DMD: variants seen among roughly 807,000 people sequenced by gnomAD.
DMD encodes the protein mutant dystrophin.
Under a neutral mutation model 330.1 loss-of-function variants are expected in DMD, and 63 were observed. The ratio of observed to expected loss-of-function variants is 0.19; its 90% CI spans 0.16 to 0.24. DMD has a LOEUF of 0.24. Among genes scored for constraint, DMD ranks in the 10% least tolerant of loss-of-function variants. The probability of loss-of-function intolerance (pLI) is 1.00; values close to 1 mark genes in which losing one functional copy is unlikely to be tolerated. For synonymous variants in DMD, 1,223 were observed against 959.8 expected (o/e 1.27, Z -5.07); for missense variants, 3,344 against 2,684.1 (o/e 1.25, Z -5.43).
chrX:31,756,446 T>C (rs1027057245), intron 51 of DMD, among the ~76,000 whole-genome samples: 1 of 97,221 alleles, frequency 1.0e-5, no homozygotes, highest in African/African-American at 3.7e-5. Context: ...ATACCATATA[T>C]GTTATTCGTG....
chrX:32,454,931 G>A, intron 25 of DMD, 99 bp from the exon 26 acceptor site: 23 of 1,003,635 alleles, frequency 2.3e-5, no homozygotes, highest in Non-Finnish European at 3.1e-5. Flanking sequence ...AGCTTAGATA[G>A]TAATGATAAA....
At chrX:31,901,362 T>G (rs16989935) in intron 47 of DMD, among the ~76,000 whole-genome samples, 29,804 of 111,028 alleles carry the variant, frequency 0.27, 3,493 homozygotes, top group African/African-American at 0.45. Flanking sequence ...CCACCTATAA[T>G]AATCTTTCCT....
At chrX:33,040,481 T>C (rs925314922) in intron 1 of DMD, among the ~76,000 whole-genome samples, 5 of 110,617 alleles carry the variant, frequency 4.5e-5, no homozygotes, top group Non-Finnish European at 9.4e-5. Flanking sequence ...GAGACAGGCA[T>C]ATAAGGCTTG....
At chrX:31,425,708 A>ACACACACACACACACACACACACG (rs1454380927) in intron 60 of DMD, among the ~76,000 whole-genome samples, 3 of 87,269 alleles carry the variant, frequency 3.4e-5, no homozygotes, top group African/African-American at 1.5e-4. Context: ...ACACACACAC[A>ACACACACACACACACACACACACG]CACGCACACA....
chrX:33,187,132 T>C (rs2050298554), intron 1 of DMD, among the ~76,000 whole-genome samples: 1 of 112,115 alleles, frequency 8.9e-6, no homozygotes, highest in African/African-American at 3.2e-5. Context: ...CATATACACA[T>C]TAGAATGTTT....
intron 48 of DMD, among the ~76,000 whole-genome samples, chrX:31,849,135 T>C (rs1055677786): frequency 2.7e-5 from 3 of 110,339 alleles, no homozygotes; most frequent in African/African-American, 9.9e-5. Context: ...TTAGAATATA[T>C]GATTATATAT....
Position 31,559,581 on chromosome X carries a change from C to A in DMD, c.8218-52128G>T, listed in dbSNP as rs1350490074. Among the ~76,000 whole-genome samples, 20 of 78,710 alleles carry A rather than the reference C, an allele frequency of 2.5e-4. 2 individuals carry two copies. The Admixed American group carries it at 3.2e-3, about 13-fold the overall frequency. The allele number at this position is 78,710 out of a possible 115,157, so 68.4% of individuals were successfully genotyped here. ...GCGTGAACCCGGGAGGCGGAGCTTG[C>A]AGTGAGTCGAGATCGCGCCACTGCA... On this transcript the variant is annotated intron_variant, in intron 55 of 78. Transcript: ENST00000357033.
chrX:31,777,207 G>T (rs1402133648), intron 50 of DMD, among the ~76,000 whole-genome samples: 1 of 111,721 alleles, frequency 9.0e-6, no homozygotes, highest in East Asian at 2.8e-4. Flanking sequence ...CACAAAACAT[G>T]CCTAGGTTTT....
chrX:32,072,344 AAATT>A (rs1206834333), intron 44 of DMD, among the ~76,000 whole-genome samples: 1 of 111,607 alleles, frequency 9.0e-6, no homozygotes, highest in East Asian at 2.8e-4. Context: ...TATTTTATAT[AAATT>A]AATTTACTCC....
chrX:31,859,482 A>G (rs1405585265), intron 48 of DMD, among the ~76,000 whole-genome samples: 4 of 112,308 alleles, frequency 3.6e-5, no homozygotes, highest in South Asian at 3.7e-4. Flanking sequence ...ATGAAAATGT[A>G]TCTACTTAAG....
chrX:31,816,364 T>C (rs1260286580), intron 50 of DMD, among the ~76,000 whole-genome samples: 1 of 111,305 alleles, frequency 9.0e-6, no homozygotes, highest in Admixed American at 9.6e-5. Flanking sequence ...AACAAGCAAC[T>C]TTAGGCCTCA....
intron 2 of DMD, among the ~76,000 whole-genome samples, chrX:32,868,345 G>A (rs1472922022): frequency 1.8e-5 from 2 of 111,490 alleles, no homozygotes; most frequent in East Asian, 5.7e-4. Flanking sequence ...TTCCGGGGGC[G>A]GGGGCGGCCA....
intron 6 of DMD, among the ~76,000 whole-genome samples, chrX:32,814,404 T>C (rs1315042454): frequency 1.8e-5 from 2 of 112,514 alleles, no homozygotes; most frequent in African/African-American, 6.4e-5. Flanking sequence ...GTCTTTGTTC[T>C]GTATAGTTGA....
intron 7 of DMD, among the ~76,000 whole-genome samples, chrX:32,798,725 G>A (rs1279167387): frequency 1.8e-5 from 2 of 111,496 alleles, no homozygotes. Context: ...TATAGAGAAG[G>A]AACACCTATA....
intron 7 of DMD, among the ~76,000 whole-genome samples, chrX:32,732,672 AG>A (rs980549827): frequency 8.1e-5 from 9 of 111,195 alleles, no homozygotes; most frequent in African/African-American, 3.0e-4. Flanking sequence ...AAGCTTCATA[AG>A]TAAAGGAGAA....
At chrX:32,410,665 T>A (rs755628042) in intron 30 of DMD, among the ~76,000 whole-genome samples, 1 of 111,791 alleles carries the variant, frequency 8.9e-6, no homozygotes, top group Non-Finnish European at 1.9e-5. Flanking sequence ...GTTCACAACA[T>A]GTATATAAGA....
At chrX:33,301,255 G>A (rs893209931) in intron 1 of DMD, among the ~76,000 whole-genome samples, 4 of 111,137 alleles carry the variant, frequency 3.6e-5, no homozygotes, top group Non-Finnish European at 5.7e-5. Flanking sequence ...GGAACTGTAC[G>A]TACACATTTT....
intron 7 of DMD, among the ~76,000 whole-genome samples, chrX:32,748,322 G>T (rs1191841541): frequency 9.7e-6 from 1 of 103,484 alleles, no homozygotes; most frequent in Non-Finnish European, 2.0e-5. Flanking sequence ...CTCCAGACTG[G>T]GTGACAGAAC....
At chrX:32,712,604 C>A (rs2065291138) in intron 7 of DMD, among the ~76,000 whole-genome samples, 1 of 110,943 alleles carries the variant, frequency 9.0e-6, no homozygotes, top group Non-Finnish European at 1.9e-5. Flanking sequence ...TTTTGATGGG[C>A]TATTTCTAAT....
Sources: allele counts gnomAD v4.1 joint callset (sites outside exome capture counted in the v4.1 genomes callset), GRCh38; gene constraint gnomAD v4.1.1; transcripts MANE v1.5; gene names NCBI Gene and HGNC (gene_info 2026-07-23, HGNC 2026-07-21).